The following TDRP variants were observed in gnomAD, a reference collection of about 807,000 sequenced individuals.
TDRP encodes the protein testis development-related protein.
In TDRP, 12 loss-of-function variants were observed where a neutral mutation model predicts 10.5. That is an observed-to-expected ratio of 1.15 (90% CI 0.73 to 1.86). The LOEUF (loss-of-function observed/expected upper bound fraction) is 1.86. Ranked by LOEUF, TDRP falls within the 40% of genes most tolerant of loss-of-function variation. The probability of loss-of-function intolerance (pLI) is 0.00; values close to 1 mark genes in which losing one functional copy is unlikely to be tolerated. For missense variants in TDRP, 353 were observed against 229.2 expected (o/e 1.54, Z -3.49); for synonymous variants, 139 against 95.4 (o/e 1.46, Z -2.67).
At chr8:526,194 C>T (rs918273770) in intron 1 of TDRP, among the ~76,000 whole-genome samples, 4 of 152,088 alleles carry the variant, frequency 2.6e-5, no homozygotes, top group Non-Finnish European at 5.9e-5. Context: ...GACAGGGTTT[C>T]GCTAGGTTGG....
Position 490,082 on chromosome 8 carries a change from G to C in TDRP, c.*2317C>G, listed in dbSNP as rs565548425. 6.6e-6 allele frequency: 1 copy of C among 152,142 alleles called. No individual in the cohort carries two copies. Among genetic ancestry groups the C allele is most frequent in the Non-Finnish European group, 1.5e-5 (1 of 68,030 alleles). The allele number at this position is 152,142 out of a possible 1,614,324, so 9.4% of individuals were successfully genotyped here. On this transcript the variant is annotated 3_prime_UTR_variant, in exon 3 of 3. Transcript: ENST00000324079. ...CACAGGACAACTCTCTTCACACAAG[G>C]AAGCTGTGTGTTTACACAATTCAAA...
intron 1 of TDRP, among the ~76,000 whole-genome samples, chr8:516,525 C>T (rs1231225635): frequency 6.6e-6 from 1 of 152,174 alleles, no homozygotes; most frequent in Non-Finnish European, 1.5e-5. Flanking sequence ...CAACATCTGT[C>T]ATCAGGGAAA....
At chr8:498,711 T>A (rs543428383) in intron 1 of TDRP, among the ~76,000 whole-genome samples, 1 of 152,300 alleles carries the variant, frequency 6.6e-6, no homozygotes, top group South Asian at 2.1e-4. Flanking sequence ...CAGAATGATG[T>A]GGTTTGTCTC....
At chr8:525,232 T>C (rs180690527) in intron 1 of TDRP, among the ~76,000 whole-genome samples, 2 of 152,228 alleles carry the variant, frequency 1.3e-5, no homozygotes, top group Admixed American at 6.5e-5. Context: ...CCTTCAAGCA[T>C]GAAGGAGAAA....
chr8:496,867 T>C (rs1431226858), intron 1 of TDRP, among the ~76,000 whole-genome samples: 2 of 152,358 alleles, frequency 1.3e-5, no homozygotes, highest in South Asian at 2.1e-4. Context: ...GTGGCACCTG[T>C]CTTTTCTCTC....
At chr8:518,444 G>C (rs535552544) in intron 1 of TDRP, among the ~76,000 whole-genome samples, 18 of 152,178 alleles carry the variant, frequency 1.2e-4, no homozygotes, top group African/African-American at 4.1e-4. Flanking sequence ...GACAACTGTA[G>C]AAATGGAATA....
chr8:499,976 G>A (rs1220854191), intron 1 of TDRP, among the ~76,000 whole-genome samples: 1 of 152,170 alleles, frequency 6.6e-6, no homozygotes, highest in African/African-American at 2.4e-5. Flanking sequence ...TCTATGGGAA[G>A]GCAGAAAAAA....
intron 1 of TDRP, among the ~76,000 whole-genome samples, chr8:540,621 T>A (rs978317025): frequency 1.3e-5 from 2 of 152,138 alleles, no homozygotes; most frequent in Non-Finnish European, 2.9e-5. Flanking sequence ...TATATGTTAA[T>A]ACAAAATAGA....
At chr8:518,250 C>A (rs941903782) in intron 1 of TDRP, among the ~76,000 whole-genome samples, 3 of 152,126 alleles carry the variant, frequency 2.0e-5, no homozygotes, top group Non-Finnish European at 4.4e-5. Context: ...AACTCTGTGC[C>A]TTCCCTTCAA....
chr8:542,889 T>C (rs530238631), intron 1 of TDRP, among the ~76,000 whole-genome samples: 5 of 144,978 alleles, frequency 3.4e-5, no homozygotes, highest in Admixed American at 6.9e-5. Context: ...TAGATGACAA[T>C]TGTGTAAAGG....
rs1324628037 is a variant in TDRP, at chr8:492,303, ACT to A, written c.*94_*95del. 6 of 1,356,756 alleles carry A rather than the reference ACT, an allele frequency of 4.4e-6. No homozygotes were observed. In the African/African-American group the frequency reaches 4.4e-5, roughly 10 times the overall value. 84.0% of individuals were successfully genotyped at this position (1,356,756 alleles called of 1,614,324 possible). A position where few individuals can be genotyped will look rare whatever the true frequency, so the allele number is the denominator to read the frequency against. On this transcript the variant is annotated 3_prime_UTR_variant, in exon 3 of 3. Transcript: ENST00000324079. Reference sequence around the variant, plus strand: ...AATATCAAATATAGGCAAAAAGTAGACTCTCTATTCTTTCTAACGCGGAAAAG... The same window carrying A: ...AATATCAAATATAGGCAAAAAGTAGACTCTATTCTTTCTAACGCGGAAAAG...
chr8:491,630 G>C lies in TDRP; in HGVS notation c.*769C>G. On this transcript the variant is annotated 3_prime_UTR_variant, in exon 3 of 3. Transcript: ENST00000324079. ...ATGAGCAAGACAATGTTTCCTAAAT[G>C]AAATTATCAACTGACTAAAATTGAT... 1 of 1,531,330 alleles carries C rather than the reference G, an allele frequency of 6.5e-7. No individual in the cohort carries two copies. Among genetic ancestry groups the C allele is most frequent in the Non-Finnish European group, 8.7e-7 (1 of 1,145,570 alleles). 94.9% of individuals were successfully genotyped at this position (1,531,330 alleles called of 1,614,324 possible).
At chr8:533,992 T>G (rs1802278758) in intron 1 of TDRP, among the ~76,000 whole-genome samples, 1 of 152,216 alleles carries the variant, frequency 6.6e-6, no homozygotes, top group Non-Finnish European at 1.5e-5. Context: ...AAAACACAAT[T>G]TTATCAGTGC....
intron 1 of TDRP, among the ~76,000 whole-genome samples, chr8:512,880 G>A (rs976913253): frequency 6.6e-6 from 1 of 151,884 alleles, no homozygotes; most frequent in African/African-American, 2.4e-5. Context: ...GCTGAGGTGG[G>A]AGAATCACTT....
intron 1 of TDRP, among the ~76,000 whole-genome samples, chr8:507,446 C>G (rs1161466009): frequency 6.6e-6 from 1 of 152,176 alleles, no homozygotes; most frequent in East Asian, 1.9e-4. Flanking sequence ...CACAATTTGA[C>G]TGGATTCATT....
intron 1 of TDRP, among the ~76,000 whole-genome samples, chr8:498,039 G>A (rs1193212137): frequency 6.6e-6 from 1 of 152,176 alleles, no homozygotes; most frequent in Admixed American, 6.5e-5. Context: ...GAAATCTGCT[G>A]CAAGGGTAGA....
intron 1 of TDRP, among the ~76,000 whole-genome samples, chr8:525,545 CAG>C (rs1802012956): frequency 6.6e-6 from 1 of 151,970 alleles, no homozygotes; most frequent in Non-Finnish European, 1.5e-5. Flanking sequence ...AAAGAGAAAT[CAG>C]GGGGATGAAG....
intron 1 of TDRP, among the ~76,000 whole-genome samples, chr8:512,269 AC>A (rs765536974): frequency 1.5e-3 from 180 of 123,288 alleles, no homozygotes; most frequent in East Asian, 9.2e-3. Flanking sequence ...AACAACAACA[AC>A]AACAAAAAAA....
chr8:497,049 G>A (rs970160596), intron 1 of TDRP, among the ~76,000 whole-genome samples: 1 of 152,174 alleles, frequency 6.6e-6, no homozygotes. Flanking sequence ...CTTTATAGCA[G>A]TGTGAAAACA....
Sources: gnomAD v4.1 joint callset for allele counts (sites outside exome capture counted in the v4.1 genomes callset) on GRCh38, gnomAD v4.1.1 for gene constraint, MANE v1.5 for transcripts, NCBI Gene and HGNC (gene_info 2026-07-23, HGNC 2026-07-21) for gene names.